The following TSHZ2 variants were observed in gnomAD, a reference collection of about 807,000 sequenced individuals.
TSHZ2 encodes the protein teashirt homolog 2.
A neutral mutation model predicts 74.4 loss-of-function variants in TSHZ2; 21 were observed. The observed-to-expected ratio is 0.28, with a 90% CI of 0.20 to 0.41. The LOEUF is 0.41. TSHZ2 is among the 10% of genes least tolerant of loss of function. The pLI is 1.00. For synonymous variants in TSHZ2, 540 were observed against 515.3 expected, an observed-to-expected ratio of 1.05 and a Z score of -0.65; for missense variants, 1,244 against 1,293.5, an observed-to-expected ratio of 0.96 and a Z score of 0.59.
At chr20:53,122,053 G>T (rs192350982) in intron 1 of TSHZ2, among the ~76,000 whole-genome samples, 1 of 152,104 alleles carries the variant, frequency 6.6e-6, no homozygotes, top group South Asian at 2.1e-4. Context: ...TTGGGAGGCC[G>T]AAGTGGGTAG....
chr20:53,186,744 G>A (rs1988607905), intron 1 of TSHZ2, among the ~76,000 whole-genome samples: 1 of 152,036 alleles, frequency 6.6e-6, no homozygotes, highest in African/African-American at 2.4e-5. Context: ...TCTCTGTCTG[G>A]CATCCACCTA....
At chr20:53,485,033 G>A (rs1986257134) in intron 2 of TSHZ2, among the ~76,000 whole-genome samples, 5 of 152,164 alleles carry the variant, frequency 3.3e-5, no homozygotes. Context: ...AGATTGGGCT[G>A]AAGGAAATTG....
chr20:52,974,943 C>T (rs1215955993), intron 1 of TSHZ2, among the ~76,000 whole-genome samples: 2 of 152,134 alleles, frequency 1.3e-5, no homozygotes, highest in Non-Finnish European at 2.9e-5. Flanking sequence ...TTGGAACTTG[C>T]CTCATCAGTG....
chr20:53,024,091 T>G (rs1983347517), intron 1 of TSHZ2, among the ~76,000 whole-genome samples: 1 of 149,218 alleles, frequency 6.7e-6, no homozygotes, highest in Non-Finnish European at 1.5e-5. Flanking sequence ...AAGTATTCAT[T>G]CCACCCTCTT....
intron 2 of TSHZ2, among the ~76,000 whole-genome samples, chr20:53,298,007 C>T (rs973863579): frequency 1.2e-4 from 19 of 152,166 alleles, no homozygotes; most frequent in African/African-American, 4.6e-4. Context: ...GATAATGTAT[C>T]CATAAAGGAG....
chr20:53,460,397 A>G (rs1286145227), intron 2 of TSHZ2, among the ~76,000 whole-genome samples: 2 of 152,174 alleles, frequency 1.3e-5, no homozygotes, highest in Non-Finnish European at 2.9e-5. Context: ...TTTCAGCTCC[A>G]TCAGCTCCTT....
intron 1 of TSHZ2, among the ~76,000 whole-genome samples, chr20:52,982,374 CCT>C (rs1378695969): frequency 4.6e-5 from 7 of 152,104 alleles, no homozygotes; most frequent in Non-Finnish European, 8.8e-5. Context: ...TTATTCTCCC[CCT>C]GTGTCTATTG....
chr20:53,299,377 G>A (rs961960391), intron 2 of TSHZ2, among the ~76,000 whole-genome samples: 10 of 152,118 alleles, frequency 6.6e-5, no homozygotes, highest in South Asian at 2.1e-4. Flanking sequence ...GCGTTTTTGT[G>A]GATATGATTG....
chr20:53,425,727 G>A (rs573150661), intron 2 of TSHZ2, among the ~76,000 whole-genome samples: 1 of 152,032 alleles, frequency 6.6e-6, no homozygotes, highest in East Asian at 1.9e-4. Context: ...GCCAGGCCAT[G>A]TTCCAATAAA....
At chr20:53,104,918 C>T (rs78354487) in intron 1 of TSHZ2, among the ~76,000 whole-genome samples, 2,164 of 152,242 alleles carry the variant, frequency 0.014, 57 homozygotes, top group African/African-American at 0.049. Context: ...CCACCTTTCC[C>T]GGGAGAGTTT....
intron 2 of TSHZ2, among the ~76,000 whole-genome samples, chr20:53,464,862 G>GC (rs1205695107): frequency 6.6e-6 from 1 of 152,168 alleles, no homozygotes; most frequent in Non-Finnish European, 1.5e-5. Flanking sequence ...AAACTCCTGG[G>GC]CTCAAATGAT....
chr20:53,369,523 A>G (rs1315743878), intron 2 of TSHZ2, among the ~76,000 whole-genome samples: 1 of 151,986 alleles, frequency 6.6e-6, no homozygotes, highest in Non-Finnish European at 1.5e-5. Flanking sequence ...CCGGGCCAGC[A>G]TGGTGAAACC....
At chr20:53,366,789 A>G (rs1473320874) in intron 2 of TSHZ2, among the ~76,000 whole-genome samples, 2 of 152,214 alleles carry the variant, frequency 1.3e-5, no homozygotes, top group Non-Finnish European at 2.9e-5. Context: ...TCTTGAAAGT[A>G]ACAGAACCAC....
At chr20:53,369,083 G>A (rs372131909) in intron 2 of TSHZ2, among the ~76,000 whole-genome samples, 10 of 152,168 alleles carry the variant, frequency 6.6e-5, no homozygotes, top group South Asian at 2.1e-4. Context: ...GCAACATGGC[G>A]AAACCCCGTC....
At chr20:53,240,502 C>T (rs992407713) in intron 1 of TSHZ2, among the ~76,000 whole-genome samples, 2 of 152,026 alleles carry the variant, frequency 1.3e-5, no homozygotes, top group African/African-American at 4.8e-5. Context: ...CTGCAAATTC[C>T]CTTTGTACCT....
intron 1 of TSHZ2, among the ~76,000 whole-genome samples, chr20:53,005,990 G>A (rs1313483208): frequency 6.6e-6 from 1 of 152,186 alleles, no homozygotes; most frequent in Non-Finnish European, 1.5e-5. Flanking sequence ...TTAATAGTTA[G>A]ATGATCCTTC....
intron 1 of TSHZ2, among the ~76,000 whole-genome samples, chr20:53,026,130 C>A (rs562188273): frequency 6.6e-6 from 1 of 152,086 alleles, no homozygotes; most frequent in Non-Finnish European, 1.5e-5. Flanking sequence ...CACACACATA[C>A]ACACGTGAGT....
intron 1 of TSHZ2, among the ~76,000 whole-genome samples, chr20:52,986,031 C>T (rs1236467610): frequency 6.6e-6 from 1 of 152,136 alleles, no homozygotes; most frequent in Non-Finnish European, 1.5e-5. Context: ...ACACCTCTCA[C>T]CCTTGTTTGT....
chr20:53,434,273 A>G (rs1983957954), intron 2 of TSHZ2, among the ~76,000 whole-genome samples: 1 of 152,214 alleles, frequency 6.6e-6, no homozygotes, highest in Non-Finnish European at 1.5e-5. Context: ...TTTCACATAC[A>G]TTATCTCATG....
Sources: gnomAD v4.1 joint callset for allele counts (sites outside exome capture counted in the v4.1 genomes callset) on GRCh38, gnomAD v4.1.1 for gene constraint, MANE v1.5 for transcripts, NCBI Gene and HGNC (gene_info 2026-07-23, HGNC 2026-07-21) for gene names.